The following GRAMD2A variants were observed in gnomAD, a reference collection of about 807,000 sequenced individuals.
GRAMD2A encodes the protein GRAM domain containing 2A.
GRAMD2A carries 37 observed loss-of-function variants against 51.1 expected under a neutral mutation model. The ratio of observed to expected loss-of-function variants is 0.72; its 90% CI spans 0.56 to 0.95. The LOEUF is 0.95. Among genes scored for constraint, GRAMD2A ranks in the 40% least tolerant of loss-of-function variants. The probability of loss-of-function intolerance (pLI) is 0.00; values close to 1 mark genes in which losing one functional copy is unlikely to be tolerated. For missense variants in GRAMD2A, 414 were observed against 426.9 expected (o/e 0.97, Z 0.27); for synonymous variants, 136 against 157.1 (o/e 0.87, Z 1.01).
At chr15:72,193,909 G>T (rs1380875213) in intron 1 of GRAMD2A, among the ~76,000 whole-genome samples, 1 of 152,212 alleles carries the variant, frequency 6.6e-6, no homozygotes, top group Non-Finnish European at 1.5e-5. Flanking sequence ...TTATATCCCT[G>T]AGAACAATGC....
chr15:72,171,007 T>G (rs2081605129), intron 1 of GRAMD2A, among the ~76,000 whole-genome samples: 1 of 152,088 alleles, frequency 6.6e-6, no homozygotes, highest in Admixed American at 6.6e-5. Context: ...CCTCACCCGC[T>G]CCCACCATAC....
At chr15:72,162,451 G>T in intron 10 of GRAMD2A, 74 bp from the exon 11 acceptor site, 1 of 1,109,542 alleles carries the variant, frequency 9.0e-7, no homozygotes, top group African/African-American at 1.5e-5. Flanking sequence ...ACCGGAAATA[G>T]TGGGGACCAA....
chr15:72,188,663 C>T (rs1171162173), intron 1 of GRAMD2A, among the ~76,000 whole-genome samples: 2 of 151,918 alleles, frequency 1.3e-5, no homozygotes, highest in Non-Finnish European at 2.9e-5. Context: ...TTATACTTTT[C>T]TGTATTTTTG....
Position 72,189,233 on chromosome 15 carries a change from C to T in GRAMD2A, c.41+8498G>A, listed in dbSNP as rs192920550. On this transcript the variant is annotated intron_variant, in intron 1 of 11. Coordinates refer to ENST00000309731, the MANE Select transcript of GRAMD2A (RefSeq NM_001012642.3). Reference sequence around the variant, plus strand: ...TCAAAATTCCTAAAATCTCATTCTTCACTACATGGAAACTTTCAGAACCAA... The same window carrying T: ...TCAAAATTCCTAAAATCTCATTCTTTACTACATGGAAACTTTCAGAACCAA... 3.3e-5 allele frequency among the ~76,000 whole-genome samples: 5 copies of T among 152,310 alleles called. No homozygotes were observed. In the East Asian group the frequency reaches 9.6e-4, roughly 29 times the overall value.
chr15:72,162,538 A>T (rs2081489897), intron 10 of GRAMD2A, among the ~76,000 whole-genome samples, 161 bp from the exon 11 acceptor site: 1 of 152,148 alleles, frequency 6.6e-6, no homozygotes, highest in African/African-American at 2.4e-5. Context: ...TTCTTCCCAG[A>T]CACCATGTAG....
At chr15:72,195,156 T>G (rs1468250175) in intron 1 of GRAMD2A, among the ~76,000 whole-genome samples, 3 of 152,098 alleles carry the variant, frequency 2.0e-5, no homozygotes, top group East Asian at 3.9e-4. Flanking sequence ...GTAGCATGAG[T>G]GTAGACAAAC....
At chr15:72,168,017 C>T (rs2081567679) in intron 4 of GRAMD2A, among the ~76,000 whole-genome samples, 178 bp from the exon 5 acceptor site, 1 of 152,164 alleles carries the variant, frequency 6.6e-6, no homozygotes, top group South Asian at 2.1e-4. Flanking sequence ...GTCGAAGGGT[C>T]CTTCTCCTGA....
At chr15:72,178,100 C>T (rs554844020) in intron 1 of GRAMD2A, among the ~76,000 whole-genome samples, 85 of 152,280 alleles carry the variant, frequency 5.6e-4, no homozygotes, top group African/African-American at 1.9e-3. Context: ...AAGAATCCTG[C>T]CCCCACCCCT....
rs912052803 is a variant in GRAMD2A, at chr15:72,197,636, C to A, written c.41+95G>T. 3 of 1,032,764 alleles carry A rather than the reference C, an allele frequency of 2.9e-6. No individual in the cohort carries two copies. In the African/African-American group the frequency reaches 5.1e-5, roughly 17 times the overall value. The allele number at this position is 1,032,764 out of a possible 1,614,324, so 64.0% of individuals were successfully genotyped here. ...CCGTGGGCAGAACGCGCCGAGTTGCCGCGGCCCCAGGAGCCGTCCTGCCCC... is the reference window on the plus strand; with the variant it reads ...CCGTGGGCAGAACGCGCCGAGTTGCAGCGGCCCCAGGAGCCGTCCTGCCCC... On this transcript the variant is annotated intron_variant, in intron 1 of 11. Transcript: ENST00000309731.
intron 1 of GRAMD2A, among the ~76,000 whole-genome samples, chr15:72,174,288 G>A (rs908195090): frequency 6.6e-6 from 1 of 152,206 alleles, no homozygotes; most frequent in Non-Finnish European, 1.5e-5. Context: ...GACCAGCTGG[G>A]CCCTGACCCA....
intron 1 of GRAMD2A, chr15:72,174,019 T>G (rs890112968): frequency 2.0e-5 from 3 of 150,120 alleles, no homozygotes; most frequent in African/African-American, 7.3e-5. Context: ...GTTTGCCCAC[T>G]GAAGCCAGTT....
chr15:72,188,447 G>A (rs2081748072), intron 1 of GRAMD2A, among the ~76,000 whole-genome samples: 1 of 151,880 alleles, frequency 6.6e-6, no homozygotes, highest in Non-Finnish European at 1.5e-5. Context: ...TTTGTAGACT[G>A]GAAGGCTATG....
At chr15:72,184,638 A>T (rs1227733537) in intron 1 of GRAMD2A, among the ~76,000 whole-genome samples, 1 of 152,204 alleles carries the variant, frequency 6.6e-6, no homozygotes, top group Non-Finnish European at 1.5e-5. Context: ...GAGGGCTCAG[A>T]TTCCTGACCA....
intron 2 of GRAMD2A, chr15:72,169,300 CCA>C: frequency 2.0e-6 from 1 of 509,020 alleles, no homozygotes; most frequent in Non-Finnish European, 3.6e-6. Flanking sequence ...GAGGAGCTTC[CCA>C]CCTGGGTGTC....
rs1596680716 is a variant in GRAMD2A at position 72,167,600 on chromosome 15, C to G, written c.372+136G>C. Reference sequence around the variant, plus strand: ...GGACACTGGATGGGATGCCTCGAAGCTGCGCATCCAACCAGCAAGGGGCTT... The same window carrying G: ...GGACACTGGATGGGATGCCTCGAAGGTGCGCATCCAACCAGCAAGGGGCTT... On this transcript the variant is annotated intron_variant, in intron 5 of 11. Coordinates refer to ENST00000309731, the MANE Select transcript of GRAMD2A (RefSeq NM_001012642.3). 7.0e-6 allele frequency: 5 copies of G among 710,602 alleles called. No individual in the cohort carries two copies. In the South Asian group the frequency reaches 8.0e-5, roughly 11 times the overall value. 44.0% of individuals were successfully genotyped at this position (710,602 alleles called of 1,614,324 possible).
intron 1 of GRAMD2A, among the ~76,000 whole-genome samples, chr15:72,174,862 C>T (rs1173281700): frequency 1.3e-5 from 2 of 152,092 alleles, no homozygotes; most frequent in East Asian, 3.9e-4. Context: ...CCCAGATACA[C>T]AGGAGTCTAG....
chr15:72,193,742 G>A (rs2081785637), intron 1 of GRAMD2A, among the ~76,000 whole-genome samples: 1 of 149,262 alleles, frequency 6.7e-6, no homozygotes, highest in Non-Finnish European at 1.5e-5. Context: ...TAGCCAGGAT[G>A]GTCTCGATCT....
chr15:72,164,374 G>A (rs1011784046), intron 8 of GRAMD2A, among the ~76,000 whole-genome samples: 1 of 151,394 alleles, frequency 6.6e-6, no homozygotes, highest in Admixed American at 6.6e-5. Flanking sequence ...GGTTCTTCAG[G>A]GATAGTCTTT....
At chr15:72,176,500 A>G (rs1490784990) in intron 1 of GRAMD2A, 1 of 152,848 alleles carries the variant, frequency 6.5e-6, no homozygotes, top group Non-Finnish European at 1.5e-5. Flanking sequence ...GCCAGCCAGG[A>G]CGCTCAGCCC....
Sources: gnomAD v4.1 joint callset for allele counts (sites outside exome capture counted in the v4.1 genomes callset) on GRCh38, gnomAD v4.1.1 for gene constraint, MANE v1.5 for transcripts, NCBI Gene and HGNC (gene_info 2026-07-23, HGNC 2026-07-21) for gene names.